The following BSN variants were observed in gnomAD, a reference collection of about 807,000 sequenced individuals.
The protein encoded by BSN is protein bassoon.
Under a neutral mutation model 264.8 loss-of-function variants are expected in BSN, and 57 were observed. The observed-to-expected ratio is 0.22, with a 90% CI of 0.17 to 0.27. The LOEUF is 0.27. BSN is among the 10% of genes least tolerant of loss of function. The probability of loss-of-function intolerance (pLI) is 1.00; values close to 1 mark genes in which losing one functional copy is unlikely to be tolerated. For synonymous variants in BSN, 2,059 were observed against 2,137.3 expected (o/e 0.96, Z 1.01); for missense variants, 4,615 against 5,232.5 (o/e 0.88, Z 3.64).
chr3:49,599,132 C>G (rs1297646330), intron 1 of BSN, among the ~76,000 whole-genome samples: 2 of 152,116 alleles, frequency 1.3e-5, no homozygotes, highest in Admixed American at 1.3e-4. Flanking sequence ...CTTTATTGCT[C>G]CATCAGTGTT....
intron 1 of BSN, among the ~76,000 whole-genome samples, chr3:49,614,130 G>C (rs1392537354): frequency 6.8e-6 from 1 of 147,694 alleles, no homozygotes; most frequent in Non-Finnish European, 1.5e-5. Context: ...CTTGATCTCG[G>C]CTCACTGCAA....
intron 1 of BSN, among the ~76,000 whole-genome samples, chr3:49,589,029 C>T (rs181849851): frequency 6.6e-6 from 1 of 151,590 alleles, no homozygotes; most frequent in Non-Finnish European, 1.5e-5. Context: ...ATTCTCCTGC[C>T]TCAGCCTCCC....
chr3:49,574,041 C>T (rs1420170965), intron 1 of BSN, among the ~76,000 whole-genome samples: 1 of 152,108 alleles, frequency 6.6e-6, no homozygotes, highest in Non-Finnish European at 1.5e-5. Context: ...CCTCAGCCTC[C>T]CGGGCTCAAG....
At position 49,554,746 on chromosome 3, in the gene BSN, G is replaced by C; in HGVS notation, c.144G>C (p.Ala48=). ...SAPAGGGQLP[A]AGAARSTAVP... is the part of the protein sequence containing the mutation. ...CGGCCGGTGGCGGACAGCTCCCCGC[G>C]GCGGGAGCAGCGCGGTCGACCGCGG... The change falls in exon 1 of 12, where the codon GCG becomes GCC. Residue 48 remains alanine (A), a synonymous_variant. Transcript: ENST00000296452. The C allele has an allele frequency of 8.1e-7, 1 of 1,230,176 alleles. No individual in the cohort carries two copies. Among genetic ancestry groups the C allele is most frequent in the Non-Finnish European group, 1.0e-6 (1 of 984,578 alleles). The allele number at this position is 1,230,176 out of a possible 1,614,324, so 76.2% of individuals were successfully genotyped here.
chr3:49,662,828 C>G (rs1231092039), intron 6 of BSN, 48 bp from the exon 7 acceptor site: 2 of 1,520,042 alleles, frequency 1.3e-6, no homozygotes, highest in Admixed American at 2.2e-5. Flanking sequence ...AGGCCTCCCC[C>G]TGCGGCTAGC....
At chr3:49,609,443 A>G (rs1343676490) in intron 1 of BSN, among the ~76,000 whole-genome samples, 1 of 152,106 alleles carries the variant, frequency 6.6e-6, no homozygotes, top group Non-Finnish European at 1.5e-5. Context: ...TAGAAAGAGA[A>G]TAGAGCATGA....
intron 2 of BSN, among the ~76,000 whole-genome samples, chr3:49,641,171 G>C (rs1272573555): frequency 1.3e-5 from 2 of 152,210 alleles, no homozygotes; most frequent in Non-Finnish European, 2.9e-5. Context: ...ATTGGGTCAT[G>C]TAACTGGAAG....
chr3:49,592,644 G>C (rs896241503), intron 1 of BSN, among the ~76,000 whole-genome samples: 7 of 150,988 alleles, frequency 4.6e-5, no homozygotes, highest in Admixed American at 6.6e-5. Flanking sequence ...CCAGCTACTC[G>C]GGAGGCTGAG....
intron 1 of BSN, among the ~76,000 whole-genome samples, chr3:49,622,792 C>T (rs2052315659): frequency 1.3e-5 from 2 of 152,092 alleles, no homozygotes; most frequent in African/African-American, 4.8e-5. Flanking sequence ...CCAGAGAAGC[C>T]CAGGTTCCCA....
chr3:49,612,854 C>T (rs1353112245), intron 1 of BSN, among the ~76,000 whole-genome samples: 1 of 152,196 alleles, frequency 6.6e-6, no homozygotes, highest in Non-Finnish European at 1.5e-5. Context: ...GGCCAGGGGC[C>T]AGGCATGGTG....
At position 49,585,716 on chromosome 3, in the gene BSN, C is replaced by G. The variant is rs988998550; in HGVS notation, c.224+30890C>G. Among the ~76,000 whole-genome samples the G allele has an allele frequency of 4.6e-5, 7 of 152,240 alleles. No homozygotes were observed. The highest frequency in any genetic ancestry group is 1.7e-4 in the African/African-American group (7 of 41,468). ...GTGGTTGTACTAATTTACATTCCCA[C>G]TAACAGTGTACAAGGGTTCCCTTTT... On this transcript the variant is annotated intron_variant, in intron 1 of 11. Coordinates refer to ENST00000296452, the MANE Select transcript of BSN (RefSeq NM_003458.4). The surrounding 1 kb of genome is among the most constrained non-coding windows in gnomAD (Gnocchi z 4.7).
intron 1 of BSN, among the ~76,000 whole-genome samples, chr3:49,589,477 A>G (rs373644529): frequency 1.4e-5 from 2 of 148,106 alleles, no homozygotes; most frequent in Non-Finnish European, 3.0e-5. Context: ...CTCTTTATCA[A>G]TCTTCAATCT....
At chr3:49,555,407 A>C (rs1172860750) in intron 1 of BSN, among the ~76,000 whole-genome samples, 1 of 152,374 alleles carries the variant, frequency 6.6e-6, no homozygotes, top group Non-Finnish European at 1.5e-5. Context: ...TTTAGGCCCA[A>C]CAATACTAAT....
chr3:49,579,144 T>C (rs1416381189), intron 1 of BSN, among the ~76,000 whole-genome samples: 1 of 151,230 alleles, frequency 6.6e-6, no homozygotes, highest in Non-Finnish European at 1.5e-5. Flanking sequence ...TGCACCACCA[T>C]GCCTGGCTAA....
chr3:49,613,301 A>AGC (rs1288614182), intron 1 of BSN, among the ~76,000 whole-genome samples: 1 of 136,396 alleles, frequency 7.3e-6, no homozygotes, highest in Admixed American at 7.4e-5. Flanking sequence ...ACACACACAG[A>AGC]GCGAGAGAGA....
At chr3:49,613,838 G>A (rs879730389) in intron 1 of BSN, among the ~76,000 whole-genome samples, 1 of 151,856 alleles carries the variant, frequency 6.6e-6, no homozygotes, top group South Asian at 2.1e-4. Flanking sequence ...ATGAAGATGC[G>A]TTCAGACATT....
chr3:49,565,456 G>C (rs2051745644), intron 1 of BSN, among the ~76,000 whole-genome samples: 1 of 151,560 alleles, frequency 6.6e-6, no homozygotes, highest in Admixed American at 6.6e-5. Flanking sequence ...GAGTAGCTGG[G>C]ACTACAGCCG....
intron 5 of BSN, 75 bp downstream of exon 5, chr3:49,658,271 T>C: frequency 6.8e-7 from 1 of 1,461,154 alleles, no homozygotes; most frequent in South Asian, 1.4e-5. Flanking sequence ...AGGGAGGGGC[T>C]TCTTCTGGGG....
chr3:49,620,134 A>T (rs1310928258), intron 1 of BSN, among the ~76,000 whole-genome samples: 1 of 152,196 alleles, frequency 6.6e-6, no homozygotes, highest in African/African-American at 2.4e-5. Flanking sequence ...CCCTGAAAGG[A>T]TGCCACCAGA....
Sources: allele counts gnomAD v4.1 joint callset (sites outside exome capture counted in the v4.1 genomes callset), GRCh38; gene constraint gnomAD v4.1.1; non-coding constraint Gnocchi (gnomAD v3.1); transcripts MANE v1.5; gene names NCBI Gene and HGNC (gene_info 2026-07-23, HGNC 2026-07-21).